CSMD1: variants seen among roughly 807,000 people sequenced by gnomAD.
CSMD1 encodes CUB and sushi domain-containing protein 1.
A neutral mutation model predicts 417.5 loss-of-function variants in CSMD1; 213 were observed. The observed-to-expected ratio is 0.51, with a 90% CI of 0.46 to 0.57. The LOEUF is 0.57. Among genes scored for constraint, CSMD1 ranks in the 20% least tolerant of loss-of-function variants. The probability of loss-of-function intolerance (pLI) is 0.00; values close to 1 mark genes in which losing one functional copy is unlikely to be tolerated. For missense variants in CSMD1, 6,923 were observed against 4,529.7 expected, an observed-to-expected ratio of 1.53 and a Z score of -15.17; for synonymous variants, 2,862 against 1,736.8, an observed-to-expected ratio of 1.65 and a Z score of -16.11.
intron 6 of CSMD1, among the ~76,000 whole-genome samples, chr8:3,733,799 A>T (rs1186720904): frequency 2.6e-5 from 4 of 152,180 alleles, no homozygotes; most frequent in Non-Finnish European, 5.9e-5. Flanking sequence ...ATACTTGCAT[A>T]CTGTTAGAAC....
intron 7 of CSMD1, among the ~76,000 whole-genome samples, chr8:3,643,415 C>T (rs555875386): frequency 1.3e-5 from 2 of 152,082 alleles, no homozygotes; most frequent in Non-Finnish European, 2.9e-5. Flanking sequence ...AGAAATGCCT[C>T]CTCTGGGCCG....
intron 3 of CSMD1, among the ~76,000 whole-genome samples, chr8:4,072,580 G>C (rs1799616064): frequency 3.9e-5 from 6 of 152,098 alleles, no homozygotes; most frequent in Non-Finnish European, 1.5e-5. Flanking sequence ...AGAAATATGA[G>C]GTTCTGTGGT....
chr8:4,706,524 T>C (rs576884271), intron 1 of CSMD1, among the ~76,000 whole-genome samples: 1 of 152,346 alleles, frequency 6.6e-6, no homozygotes, highest in East Asian at 1.9e-4. Flanking sequence ...CAAATCAACA[T>C]ATTTCATAAA....
intron 1 of CSMD1, among the ~76,000 whole-genome samples, chr8:4,969,927 C>T (rs141031046): frequency 0.012 from 1,871 of 152,102 alleles, 27 homozygotes; most frequent in Non-Finnish European, 0.015. Flanking sequence ...AAGTATACTA[C>T]GGTTAAAACT....
At position 4,027,222 on chromosome 8, in the gene CSMD1, C is replaced by A. The variant is rs540556999; in HGVS notation, c.610+4683G>T. On this transcript the variant is annotated intron_variant, in intron 4 of 69. Coordinates refer to ENST00000635120, the MANE Select transcript of CSMD1 (RefSeq NM_033225.6). ...CCCTGTTGAAGGTTTGTACTTTATT[C>A]TCATTGAGTCACCAAAGTAGTTTGG... 2.0e-5 allele frequency among the ~76,000 whole-genome samples: 3 copies of A among 152,258 alleles called. No homozygotes were observed. The East Asian group carries it at 5.8e-4, about 29-fold the overall frequency.
intron 3 of CSMD1, among the ~76,000 whole-genome samples, chr8:4,293,713 T>TA (rs1245771211): frequency 1.3e-5 from 2 of 152,226 alleles, no homozygotes; most frequent in East Asian, 1.9e-4. Flanking sequence ...TTCCATACTT[T>TA]AAAAAAGATG....
intron 25 of CSMD1, among the ~76,000 whole-genome samples, chr8:3,292,137 T>C (rs569347710): frequency 6.6e-6 from 1 of 152,346 alleles, no homozygotes; most frequent in Admixed American, 6.5e-5. Context: ...TTGAGCAGTG[T>C]TGAATGAGTT....
intron 1 of CSMD1, among the ~76,000 whole-genome samples, chr8:4,926,053 C>A (rs79339717): frequency 6.6e-6 from 1 of 152,098 alleles, no homozygotes; most frequent in African/African-American, 2.4e-5. Context: ...AATAAACAAA[C>A]AAATACACAT....
chr8:3,255,302 G>C (rs749750124), intron 26 of CSMD1, among the ~76,000 whole-genome samples: 1 of 152,122 alleles, frequency 6.6e-6, no homozygotes, highest in Non-Finnish European at 1.5e-5. Flanking sequence ...TCCCAGTTAG[G>C]CTTCTCGGGG....
At chr8:4,881,515 G>T (rs1264174676) in intron 1 of CSMD1, among the ~76,000 whole-genome samples, 2 of 141,518 alleles carry the variant, frequency 1.4e-5, no homozygotes, top group East Asian at 2.1e-4. Flanking sequence ...GCTCTTCCAG[G>T]TCAGAAACTC....
intron 5 of CSMD1, among the ~76,000 whole-genome samples, chr8:3,995,716 G>A (rs1213625586): frequency 6.6e-6 from 1 of 152,178 alleles, no homozygotes; most frequent in East Asian, 1.9e-4. Flanking sequence ...TGACCCCACA[G>A]GGCTTTTGCG....
chr8:3,186,863 T>C (rs544111155), intron 36 of CSMD1, among the ~76,000 whole-genome samples: 3 of 152,344 alleles, frequency 2.0e-5, no homozygotes, highest in Non-Finnish European at 2.9e-5. Context: ...AAAACAGAGA[T>C]AGCAATAATC....
At chr8:3,654,079 C>G (rs1488954920) in intron 7 of CSMD1, among the ~76,000 whole-genome samples, 2 of 152,262 alleles carry the variant, frequency 1.3e-5, no homozygotes, top group South Asian at 4.2e-4. Context: ...GTAATAACGT[C>G]TCTTTTCTGT....
intron 7 of CSMD1, among the ~76,000 whole-genome samples, chr8:3,688,280 C>G (rs952467035): frequency 6.6e-6 from 1 of 152,072 alleles, no homozygotes; most frequent in African/African-American, 2.4e-5. Context: ...TCTTTTGAAA[C>G]GGACTATAAT....
chr8:4,033,572 T>C (rs187187819), intron 3 of CSMD1, among the ~76,000 whole-genome samples: 112 of 152,270 alleles, frequency 7.4e-4, no homozygotes, highest in Non-Finnish European at 3.7e-4. Flanking sequence ...ATGTCTTATG[T>C]CTCCCTACAA....
intron 8 of CSMD1, 123 bp downstream of exon 8, chr8:3,616,587 G>T: frequency 1.5e-6 from 1 of 659,830 alleles, no homozygotes; most frequent in Non-Finnish European, 2.6e-6. Context: ...CACATTTAGA[G>T]TTAATGATTA....
rs544887692 is a variant in CSMD1 at position 2,958,703 on chromosome 8, T to G, written c.9703-896A>C. On this transcript the variant is annotated intron_variant, in intron 62 of 69. Coordinates refer to ENST00000635120, the MANE Select transcript of CSMD1 (RefSeq NM_033225.6). ...GGTTTGCACTCATCCCAGCTTGGCT[T>G]GGGACCAGATTATTTCCTTAAAGCT... is the stretch of plus-strand genomic sequence containing the variant. 9.2e-5 allele frequency among the ~76,000 whole-genome samples: 14 copies of G among 152,358 alleles called. No homozygotes were observed. The South Asian group carries it at 2.9e-3, about 32-fold the overall frequency.
At chr8:3,957,895 A>G (rs554670433) in intron 5 of CSMD1, among the ~76,000 whole-genome samples, 1 of 152,306 alleles carries the variant, frequency 6.6e-6, no homozygotes, top group Admixed American at 6.5e-5. Context: ...GCTGTATAAT[A>G]ATCTCCTTTG....
intron 5 of CSMD1, among the ~76,000 whole-genome samples, chr8:3,943,190 C>A (rs1218000127): frequency 6.6e-6 from 1 of 151,838 alleles, no homozygotes; most frequent in Non-Finnish European, 1.5e-5. Flanking sequence ...GAGGATGTTT[C>A]CTGGTGTTCG....
Sources: gnomAD v4.1 joint callset for allele counts (sites outside exome capture counted in the v4.1 genomes callset) on GRCh38, gnomAD v4.1.1 for gene constraint, MANE v1.5 for transcripts, NCBI Gene and HGNC (gene_info 2026-07-23, HGNC 2026-07-21) for gene names.